The following VAV3 variants were observed in gnomAD, a reference collection of about 807,000 sequenced individuals.
VAV3 encodes guanine nucleotide exchange factor VAV3.
A neutral mutation model predicts 131.2 loss-of-function variants in VAV3; 94 were observed. The observed-to-expected ratio is 0.72, with a 90% confidence interval of 0.61 to 0.85. VAV3 has a LOEUF of 0.85. Ranked by LOEUF, VAV3 falls within the 40% of genes least tolerant of loss-of-function variation. VAV3 has a pLI of 0.00. For synonymous variants in VAV3, 349 were observed against 342.0 expected, an observed-to-expected ratio of 1.02 and a Z score of -0.22; for missense variants, 939 against 1,002.7, an observed-to-expected ratio of 0.94 and a Z score of 0.86.
intron 2 of VAV3, among the ~76,000 whole-genome samples, chr1:107,799,311 CAAA>C (rs74262708): frequency 1.0e-5 from 1 of 97,834 alleles, no homozygotes; most frequent in Admixed American, 1.0e-4. Context: ...GTTCACCTAT[CAAA>C]AAAAAAAAAA....
intron 25 of VAV3, among the ~76,000 whole-genome samples, chr1:107,587,943 T>A (rs1571341): frequency 0.22 from 33,796 of 152,114 alleles, 4,808 homozygotes; most frequent in Middle Eastern, 0.33. Context: ...ACTATAAAAG[T>A]ATTAATGAAC....
At chr1:107,878,398 A>C (rs1296367086) in intron 1 of VAV3, among the ~76,000 whole-genome samples, 1 of 152,170 alleles carries the variant, frequency 6.6e-6, no homozygotes, top group Non-Finnish European at 1.5e-5. Context: ...TGCATTTGGC[A>C]GTTTTATCTT....
intron 1 of VAV3, among the ~76,000 whole-genome samples, chr1:107,910,083 G>T (rs755213111): frequency 6.6e-6 from 1 of 152,128 alleles, no homozygotes; most frequent in African/African-American, 2.4e-5. Context: ...ACAACTCTAC[G>T]ATGAAAGCAT....
At chr1:107,718,915 C>T (rs1661305337) in intron 15 of VAV3, among the ~76,000 whole-genome samples, 1 of 152,152 alleles carries the variant, frequency 6.6e-6, no homozygotes, top group Non-Finnish European at 1.5e-5. Flanking sequence ...CATCTACAAA[C>T]ATCTGATCTT....
Position 107,729,730 on chromosome 1 carries a change from AT to A in VAV3, c.1502+19237del, listed in dbSNP as rs555249602. On this transcript the variant is annotated intron_variant, in intron 15 of 26. Coordinates refer to ENST00000370056, the MANE Select transcript of VAV3 (RefSeq NM_006113.5). ...TCCAAAGCATAGCATTGTGCTTGGA[AT>A]ACAATGCTAATGTCAGAAAATATGA... Among the ~76,000 whole-genome samples, 200 of 152,362 alleles carry A rather than the reference AT, an allele frequency of 1.3e-3. 3 individuals are homozygous for A. The highest frequency in any genetic ancestry group is 0.013 in the Admixed American group (198 of 15,302).
intron 1 of VAV3, among the ~76,000 whole-genome samples, chr1:107,962,547 T>C (rs78813663): frequency 1.3e-5 from 2 of 152,334 alleles, no homozygotes; most frequent in East Asian, 1.9e-4. Context: ...ATAAGTCTCA[T>C]TAAAGGATTT....
intron 2 of VAV3, among the ~76,000 whole-genome samples, chr1:107,845,861 G>C (rs1571033891): frequency 6.6e-6 from 1 of 152,146 alleles, no homozygotes; most frequent in Admixed American, 6.6e-5. Flanking sequence ...ATGGAACCAA[G>C]TTCAAAACCA....
intron 2 of VAV3, among the ~76,000 whole-genome samples, chr1:107,851,099 C>T (rs1478025633): frequency 6.6e-6 from 1 of 151,140 alleles, no homozygotes; most frequent in Non-Finnish European, 1.5e-5. Context: ...AGAAGCCGGC[C>T]CTCCGGAGCT....
chr1:107,695,038 A>C (rs1353733369), intron 17 of VAV3, among the ~76,000 whole-genome samples: 3 of 152,180 alleles, frequency 2.0e-5, no homozygotes, highest in Non-Finnish European at 4.4e-5. Flanking sequence ...TAAGTTTACT[A>C]AACAGAAAAG....
At chr1:107,679,320 G>C (rs1658441478) in intron 19 of VAV3, among the ~76,000 whole-genome samples, 1 of 152,156 alleles carries the variant, frequency 6.6e-6, no homozygotes, top group African/African-American at 2.4e-5. Flanking sequence ...AGAGTTGTCA[G>C]AAAGGACTCT....
At chr1:107,865,826 G>C (rs1669959226) in intron 2 of VAV3, among the ~76,000 whole-genome samples, 1 of 152,128 alleles carries the variant, frequency 6.6e-6, no homozygotes, top group Non-Finnish European at 1.5e-5. Flanking sequence ...TGATGCAAGG[G>C]AAAAGCCACT....
chr1:107,590,994 T>C (rs1207035767), intron 25 of VAV3, among the ~76,000 whole-genome samples: 1 of 152,168 alleles, frequency 6.6e-6, no homozygotes, highest in Non-Finnish European at 1.5e-5. Flanking sequence ...ACTTTCCTAG[T>C]GCAAATATCA....
intron 2 of VAV3, among the ~76,000 whole-genome samples, chr1:107,866,326 T>C (rs148576230): frequency 6.6e-6 from 1 of 152,174 alleles, no homozygotes; most frequent in Non-Finnish European, 1.5e-5. Flanking sequence ...CTGTACAGAT[T>C]CGCCACTGGT....
At chr1:107,952,666 C>T (rs1674613775) in intron 1 of VAV3, among the ~76,000 whole-genome samples, 1 of 151,804 alleles carries the variant, frequency 6.6e-6, no homozygotes. Context: ...TTCACTCTAA[C>T]CCAAACGGCT....
At chr1:107,813,015 T>C (rs1019331556) in intron 2 of VAV3, among the ~76,000 whole-genome samples, 2 of 150,418 alleles carry the variant, frequency 1.3e-5, no homozygotes, top group Admixed American at 6.6e-5. Flanking sequence ...CCCAGCTACT[T>C]GGGAGGCTGA....
At chr1:107,891,206 T>C (rs1002061816) in intron 1 of VAV3, among the ~76,000 whole-genome samples, 3 of 152,094 alleles carry the variant, frequency 2.0e-5, no homozygotes, top group African/African-American at 7.2e-5. Flanking sequence ...ATCTTTTTCC[T>C]CTACCTGGAG....
At chr1:107,913,845 G>A (rs944777444) in intron 1 of VAV3, among the ~76,000 whole-genome samples, 1 of 152,066 alleles carries the variant, frequency 6.6e-6, no homozygotes. Flanking sequence ...GCCCAGGCTG[G>A]AGTGAAGTGG....
chr1:107,641,256 T>C (rs957748369), intron 20 of VAV3, among the ~76,000 whole-genome samples: 1 of 152,142 alleles, frequency 6.6e-6, no homozygotes, highest in Non-Finnish European at 1.5e-5. Flanking sequence ...GACAATAAAA[T>C]AGATGTAAGC....
chr1:107,783,456 G>A (rs1353740412), intron 2 of VAV3, among the ~76,000 whole-genome samples: 1 of 152,104 alleles, frequency 6.6e-6, no homozygotes, highest in African/African-American at 2.4e-5. Context: ...GCTCTGTGAG[G>A]GCTAAGGGAA....
Sources: allele counts gnomAD v4.1 joint callset (sites outside exome capture counted in the v4.1 genomes callset), GRCh38; gene constraint gnomAD v4.1.1; transcripts MANE v1.5; gene names NCBI Gene and HGNC (gene_info 2026-07-23, HGNC 2026-07-21).